Variants in ZNG1F observed in about 807,000 individuals in gnomAD.
ZNG1F encodes Zn regulated GTPase metalloprotein activator 1F.
chr9:41,187,638 C>T, the ZNG1F span, among the ~76,000 whole-genome samples: 1 of 148,044 alleles, frequency 6.8e-6, no homozygotes, highest in Non-Finnish European at 1.5e-5. Context: ...CAGCAAGACT[C>T]CAGATTAGTC....
the ZNG1F span, among the ~76,000 whole-genome samples, chr9:41,175,303 T>C: frequency 7.1e-5 from 10 of 141,218 alleles, no homozygotes; most frequent in East Asian, 2.0e-3. Flanking sequence ...TTGATTTTTT[T>C]CCCAAAAACG....
chr9:41,145,459 A>G, the ZNG1F span: 2 of 464,824 alleles, frequency 4.3e-6, no homozygotes, highest in East Asian at 3.8e-5. Context: ...TGTAATTCCA[A>G]TTTTACAAGT....
the ZNG1F span, among the ~76,000 whole-genome samples, chr9:41,173,976 C>A: frequency 8.7e-5 from 13 of 149,120 alleles, no homozygotes; most frequent in South Asian, 2.3e-3. Flanking sequence ...AATCCCAGCA[C>A]TTTGGGAGGC....
chr9:41,146,151 C>G, the ZNG1F span, among the ~76,000 whole-genome samples: 1 of 146,002 alleles, frequency 6.8e-6, no homozygotes, highest in Non-Finnish European at 1.5e-5. Context: ...AAATCCTTCC[C>G]AGCTGGTTGC....
chr9:41,158,017 T>A, the ZNG1F span: 1 of 113,226 alleles, frequency 8.8e-6, no homozygotes, highest in South Asian at 3.5e-4. Context: ...CTCCCCCCGC[T>A]ACTGAGCATA....
At chr9:41,175,025 A>T in the ZNG1F span, among the ~76,000 whole-genome samples, 1 of 121,242 alleles carries the variant, frequency 8.2e-6, no homozygotes, top group Non-Finnish European at 1.7e-5. Flanking sequence ...AACGCAAGAA[A>T]AAGAAAACTG....
chr9:41,151,639 T>C, the ZNG1F span, among the ~76,000 whole-genome samples: 1 of 151,202 alleles, frequency 6.6e-6, no homozygotes, highest in Non-Finnish European at 1.5e-5. Flanking sequence ...CCCATCAGAC[T>C]AACAGCGGAT....
chr9:41,178,862 G>A, the ZNG1F span, among the ~76,000 whole-genome samples: 11 of 125,518 alleles, frequency 8.8e-5, 1 homozygote, highest in South Asian at 9.4e-4. Context: ...CACCGAGCCC[G>A]GCCAGCAACA....
At chr9:41,137,328 TGAGA>T in the ZNG1F span, among the ~76,000 whole-genome samples, 3 of 145,886 alleles carry the variant, frequency 2.1e-5, no homozygotes, top group African/African-American at 5.0e-5. Flanking sequence ...CACTGTGGTC[TGAGA>T]AAGTGCTTGA....
the ZNG1F span, among the ~76,000 whole-genome samples, chr9:41,185,793 A>G: frequency 2.9e-5 from 3 of 102,530 alleles, no homozygotes; most frequent in East Asian, 8.0e-4. Flanking sequence ...CCAAAGTTAT[A>G]CAAAATAAAA....
chr9:41,187,574 G>A, the ZNG1F span, among the ~76,000 whole-genome samples: 6 of 149,718 alleles, frequency 4.0e-5, 1 homozygote, highest in African/African-American at 1.5e-4. Context: ...GACGCAGTCA[G>A]ATTGACATTT....
At chr9:41,174,051 G>A in the ZNG1F span, among the ~76,000 whole-genome samples, 13 of 147,490 alleles carry the variant, frequency 8.8e-5, no homozygotes, top group Admixed American at 5.5e-4. Flanking sequence ...GCAAAACCCC[G>A]TCTCTACTAA....
the ZNG1F span, among the ~76,000 whole-genome samples, chr9:41,193,028 T>C: frequency 2.7e-5 from 4 of 150,888 alleles, no homozygotes; most frequent in South Asian, 2.1e-4. Context: ...GCACATTAAA[T>C]GCATTATCCC....
chr9:41,152,333 A>G, the ZNG1F span, among the ~76,000 whole-genome samples: 1 of 149,602 alleles, frequency 6.7e-6, no homozygotes, highest in South Asian at 2.1e-4. Context: ...CCAATACAGG[A>G]GCACCCAGAT....
the ZNG1F span, among the ~76,000 whole-genome samples, chr9:41,184,004 T>G: frequency 6.7e-6 from 1 of 149,906 alleles, no homozygotes; most frequent in South Asian, 2.1e-4. Context: ...ACTAGTATGT[T>G]TTATATACTG....
the ZNG1F span, among the ~76,000 whole-genome samples, chr9:41,193,078 T>C: frequency 7.2e-6 from 1 of 137,972 alleles, no homozygotes; most frequent in Non-Finnish European, 1.6e-5. Flanking sequence ...TGTGCCCATT[T>C]TATAGATGAG....
the ZNG1F span, among the ~76,000 whole-genome samples, chr9:41,166,366 T>C: frequency 1.7e-5 from 2 of 118,662 alleles, no homozygotes; most frequent in African/African-American, 6.6e-5. Flanking sequence ...GAGGCAGAGG[T>C]TGCAGTGAGC....
chr9:41,152,336 A>G, the ZNG1F span, among the ~76,000 whole-genome samples: 1 of 149,504 alleles, frequency 6.7e-6, no homozygotes, highest in Admixed American at 6.8e-5. Flanking sequence ...ATACAGGAGC[A>G]CCCAGATTCA....
At chr9:41,165,141 T>A in the ZNG1F span, 1 of 1,426,490 alleles carries the variant, frequency 7.0e-7, no homozygotes, top group South Asian at 1.2e-5. Flanking sequence ...TATACACGCA[T>A]GCAGATTAAT....
Sources: gnomAD v4.1 joint callset for allele counts (sites outside exome capture counted in the v4.1 genomes callset) on GRCh38, gnomAD v4.1.1 for gene constraint, MANE v1.5 for transcripts, NCBI Gene and HGNC (gene_info 2026-07-23, HGNC 2026-07-21) for gene names.